SLIT1: variants seen among roughly 807,000 people sequenced by gnomAD.
SLIT1 encodes slit homolog 1 protein.
Under a neutral mutation model 186.1 loss-of-function variants are expected in SLIT1, and 66 were observed. That is an observed-to-expected ratio of 0.35 (90% CI 0.29 to 0.44). The LOEUF (loss-of-function observed/expected upper bound fraction) is 0.44, where lower values mean the gene tolerates loss of function less well. Ranked by LOEUF, SLIT1 falls within the 20% of genes least tolerant of loss-of-function variation. SLIT1 has a pLI of 1.00. For missense variants in SLIT1, 1,638 were observed against 2,037.4 expected, an observed-to-expected ratio of 0.80 and a Z score of 3.77; for synonymous variants, 761 against 833.8, an observed-to-expected ratio of 0.91 and a Z score of 1.50.
intron 20 of SLIT1, among the ~76,000 whole-genome samples, chr10:97,040,552 T>G (rs1848681944): frequency 6.6e-6 from 1 of 152,102 alleles, no homozygotes; most frequent in South Asian, 2.1e-4. Flanking sequence ...TTTTCACTGA[T>G]AGAGCCCAGT....
intron 4 of SLIT1, among the ~76,000 whole-genome samples, chr10:97,118,675 T>C (rs1485737481): frequency 1.3e-5 from 2 of 152,172 alleles, no homozygotes; most frequent in Admixed American, 6.5e-5. Context: ...CTGCTTCCAC[T>C]TAAAAGACAT....
intron 13 of SLIT1, among the ~76,000 whole-genome samples, chr10:97,051,964 A>G (rs1322111651): frequency 6.6e-6 from 1 of 152,218 alleles, no homozygotes; most frequent in African/African-American, 2.4e-5. Flanking sequence ...CTATTTACAC[A>G]ATGGAAAAAT....
intron 4 of SLIT1, among the ~76,000 whole-genome samples, chr10:97,142,072 G>C (rs1362305069): frequency 6.6e-6 from 1 of 151,946 alleles, no homozygotes; most frequent in Non-Finnish European, 1.5e-5. Context: ...CAAAGTGCTG[G>C]GATTACAGGC....
intron 4 of SLIT1, among the ~76,000 whole-genome samples, chr10:97,130,928 G>C (rs1203139604): frequency 5.3e-5 from 8 of 152,130 alleles, no homozygotes; most frequent in Non-Finnish European, 1.5e-5. Context: ...CAGGGAACAT[G>C]CTCTGTGATC....
intron 4 of SLIT1, among the ~76,000 whole-genome samples, chr10:97,134,834 G>A (rs369430876): frequency 1.6e-4 from 25 of 152,238 alleles, no homozygotes; most frequent in African/African-American, 4.6e-4. Flanking sequence ...ATGAGGACGC[G>A]GGCTTTGCCA....
At chr10:97,005,302 C>T (rs895842359) in intron 32 of SLIT1, among the ~76,000 whole-genome samples, 51 of 152,342 alleles carry the variant, frequency 3.3e-4, no homozygotes, top group Non-Finnish European at 1.5e-4. Flanking sequence ...AAGGTAGTGT[C>T]TGTCGCTGGA....
At chr10:97,008,452 T>C (rs1848380845) in intron 31 of SLIT1, among the ~76,000 whole-genome samples, 1 of 152,180 alleles carries the variant, frequency 6.6e-6, no homozygotes, top group African/African-American at 2.4e-5. Flanking sequence ...CCCAGCACTT[T>C]GGGAGGCCGA....
intron 34 of SLIT1, 119 bp downstream of exon 34, chr10:97,003,948 GC>G: frequency 1.1e-6 from 1 of 942,346 alleles, no homozygotes; most frequent in Non-Finnish European, 1.6e-6. Flanking sequence ...CTGCAGCTTG[GC>G]CACCACCAGG....
At chr10:97,133,494 CCAGGGACTGG>C (rs1233761157) in intron 4 of SLIT1, among the ~76,000 whole-genome samples, 2 of 152,138 alleles carry the variant, frequency 1.3e-5, no homozygotes, top group Non-Finnish European at 2.9e-5. Context: ...ATGGTGGCTG[CCAGGGACTGG>C]CAGGTGGGGC....
chr10:97,125,518 A>C (rs1849595757), intron 4 of SLIT1, among the ~76,000 whole-genome samples: 1 of 141,830 alleles, frequency 7.1e-6, no homozygotes, highest in African/African-American at 2.5e-5. Flanking sequence ...TGGGTGACAA[A>C]GCGAGACCCT....
At chr10:97,166,987 C>T (rs2249667) in intron 1 of SLIT1, among the ~76,000 whole-genome samples, 150,835 of 152,278 alleles carry the variant, frequency 0.99, 74,725 homozygotes, top group East Asian at 1. Flanking sequence ...ACGCATCCTC[C>T]CGCTGTCTGT....
intron 25 of SLIT1, among the ~76,000 whole-genome samples, chr10:97,023,835 C>T (rs960965611): frequency 3.9e-5 from 6 of 151,962 alleles, no homozygotes; most frequent in African/African-American, 1.2e-4. Context: ...CCCAGCTACT[C>T]GGAAGGCTGA....
intron 4 of SLIT1, among the ~76,000 whole-genome samples, chr10:97,135,599 G>A (rs538453780): frequency 1.3e-5 from 2 of 152,288 alleles, no homozygotes; most frequent in South Asian, 4.1e-4. Flanking sequence ...GCCGCCTGAG[G>A]CCTGGAGAGG....
At position 97,010,136 on chromosome 10, in the gene SLIT1, G is replaced by A. The variant is rs534806018; in HGVS notation, c.3341+857C>T. Among the ~76,000 whole-genome samples, 3 of 152,308 alleles carry A rather than the reference G, an allele frequency of 2.0e-5. No homozygotes were observed. The highest frequency in any genetic ancestry group is 1.3e-4 in the Admixed American group (2 of 15,304). ...GTCGATAAGATCAGTCTTCATTATA[G>A]CCAAAAAGTGGCAACAACCTAAATG... On this transcript the variant is annotated intron_variant, in intron 31 of 36. Coordinates refer to ENST00000266058, the MANE Select transcript of SLIT1 (RefSeq NM_003061.3). The surrounding 1 kb of genome is among the most constrained non-coding windows in gnomAD (Gnocchi z 4.8).
chr10:97,024,434 G>T lies in SLIT1; in HGVS notation c.2583-3021C>A, dbSNP rs1848527951. On this transcript the variant is annotated intron_variant, in intron 25 of 36. Coordinates refer to ENST00000266058, the MANE Select transcript of SLIT1 (RefSeq NM_003061.3). ...AGGGAGAAGACAGACAAGCACGCAT[G>T]ACCTAAAAGAGGTGCTGAGGGAACA... is the stretch of plus-strand genomic sequence containing the variant. Among the ~76,000 whole-genome samples, 7 of 152,314 alleles carry T rather than the reference G, an allele frequency of 4.6e-5. 1 individual carries two copies. The South Asian group carries it at 1.4e-3, about 32-fold the overall frequency.
intron 3 of SLIT1, among the ~76,000 whole-genome samples, chr10:97,162,173 A>G (rs1407658902): frequency 1.3e-5 from 2 of 152,250 alleles, no homozygotes; most frequent in African/African-American, 4.8e-5. Flanking sequence ...AAATTGTTTT[A>G]GTAATACTAT....
intron 13 of SLIT1, among the ~76,000 whole-genome samples, chr10:97,052,673 G>A (rs925254473): frequency 1.3e-5 from 2 of 151,962 alleles, no homozygotes; most frequent in African/African-American, 4.8e-5. Context: ...AATCTCTTGG[G>A]GCAAGTAAAA....
chr10:97,062,706 G>A (rs1022585402), intron 8 of SLIT1, among the ~76,000 whole-genome samples: 34 of 152,204 alleles, frequency 2.2e-4, no homozygotes, highest in African/African-American at 7.7e-4. Context: ...GCACAGCTGG[G>A]GGAGCTGCAG....
intron 23 of SLIT1, among the ~76,000 whole-genome samples, chr10:97,034,031 A>G (rs1468498334): frequency 6.6e-6 from 1 of 151,826 alleles, no homozygotes; most frequent in Non-Finnish European, 1.5e-5. Context: ...AGCCCGATTA[A>G]TTTTTGTATT....
Sources: allele counts gnomAD v4.1 joint callset (sites outside exome capture counted in the v4.1 genomes callset), GRCh38; gene constraint gnomAD v4.1.1; non-coding constraint Gnocchi (gnomAD v3.1); transcripts MANE v1.5; gene names NCBI Gene and HGNC (gene_info 2026-07-23, HGNC 2026-07-21).